STRBP: variants seen among roughly 807,000 people sequenced by gnomAD.
STRBP encodes the protein spermatid perinuclear RNA-binding protein.
In STRBP, 13 loss-of-function variants were observed where a neutral mutation model predicts 80.1. That is an observed-to-expected ratio of 0.16 (90% confidence interval 0.11 to 0.26). STRBP has a LOEUF of 0.26. Ranked by LOEUF, STRBP falls within the 10% of genes least tolerant of loss-of-function variation. The pLI is 1.00. For synonymous variants in STRBP, 284 were observed against 291.2 expected (o/e 0.98, Z 0.25); for missense variants, 485 against 815.2 (o/e 0.59, Z 4.93).
At chr9:123,239,018 G>C (rs2040634194) in intron 1 of STRBP, among the ~76,000 whole-genome samples, 2 of 152,038 alleles carry the variant, frequency 1.3e-5, no homozygotes, top group South Asian at 4.2e-4. Flanking sequence ...CTTAGCAGTG[G>C]CAGTAACATT....
intron 3 of STRBP, chr9:123,111,774 T>C: frequency 2.8e-6 from 1 of 358,514 alleles, no homozygotes; most frequent in Non-Finnish European, 5.7e-6. Flanking sequence ...CACTAGACAA[T>C]GCAAGAAGTG....
At chr9:123,266,478 T>C (rs1287323309) in intron 1 of STRBP, among the ~76,000 whole-genome samples, 1 of 151,682 alleles carries the variant, frequency 6.6e-6, no homozygotes, top group Admixed American at 6.6e-5. Flanking sequence ...TGGAATTTAA[T>C]CCTCTCCATT....
At chr9:123,165,528 G>C (rs1017100101) in intron 6 of STRBP, among the ~76,000 whole-genome samples, 4 of 152,180 alleles carry the variant, frequency 2.6e-5, no homozygotes, top group African/African-American at 9.7e-5. Flanking sequence ...ACTGAGGAGA[G>C]AGGTGTCTCT....
At position 123,124,998 on chromosome 9, in the gene STRBP, T is replaced by A; in HGVS notation, c.*599A>T. The A allele has an allele frequency of 2.0e-6, 2 of 985,696 alleles. No homozygotes were observed. The highest frequency in any genetic ancestry group is 2.4e-6 in the Non-Finnish European group (2 of 829,762). 61.1% of individuals were successfully genotyped at this position (985,696 alleles called of 1,614,324 possible). A position where few individuals can be genotyped will look rare whatever the true frequency, so the allele number is the denominator to read the frequency against. On this transcript the variant is annotated 3_prime_UTR_variant, in exon 19 of 19. Coordinates refer to ENST00000348403, the MANE Select transcript of STRBP (RefSeq NM_018387.5). Reference sequence around the variant, plus strand: ...TTATTAGTTTTCAATTCCTTGTAATTTGATACCAAAACATATCAAAAATAA... The same window carrying A: ...TTATTAGTTTTCAATTCCTTGTAATATGATACCAAAACATATCAAAAATAA...
intron 1 of STRBP, among the ~76,000 whole-genome samples, chr9:123,240,022 C>T (rs1362067299): frequency 6.6e-6 from 1 of 152,108 alleles, no homozygotes; most frequent in Admixed American, 6.5e-5. Flanking sequence ...AAAAAATAAG[C>T]CCATTTTCTT....
At chr9:123,219,944 T>C (rs961486212) in intron 2 of STRBP, among the ~76,000 whole-genome samples, 2 of 152,222 alleles carry the variant, frequency 1.3e-5, no homozygotes, top group Non-Finnish European at 2.9e-5. Flanking sequence ...CACAATTCTA[T>C]ATCTAGTAAA....
chr9:123,172,514 T>G (rs2038052897), intron 5 of STRBP, among the ~76,000 whole-genome samples: 1 of 152,084 alleles, frequency 6.6e-6, no homozygotes, highest in Non-Finnish European at 1.5e-5. Context: ...GAAAGGTAAA[T>G]AGATTCAACC....
intron 4 of STRBP, among the ~76,000 whole-genome samples, chr9:123,177,577 AT>A (rs1252606504): frequency 6.6e-6 from 1 of 152,182 alleles, no homozygotes; most frequent in Non-Finnish European, 1.5e-5. Flanking sequence ...CTCTAAAAAA[AT>A]AAAAATAAAA....
At chr9:123,147,363 T>G (rs1308521056) in intron 12 of STRBP, among the ~76,000 whole-genome samples, 4 of 152,138 alleles carry the variant, frequency 2.6e-5, no homozygotes, top group Non-Finnish European at 5.9e-5. Context: ...CTCAAAACTC[T>G]AATTCAAATC....
intron 2 of STRBP, among the ~76,000 whole-genome samples, chr9:123,221,578 C>T (rs2040069790): frequency 6.6e-6 from 1 of 152,212 alleles, no homozygotes; most frequent in Non-Finnish European, 1.5e-5. Flanking sequence ...GCTACATTTG[C>T]TGTATCTCTG....
Position 123,173,669 on chromosome 9 carries a change from G to A in STRBP, c.390+8C>T, listed in dbSNP as rs1336429354. On this transcript the variant is annotated splice_region_variant and intron_variant, in intron 5 of 18. Transcript: ENST00000348403. ...ATTCGCCTAGAGGTGCAGTTAAACT[G>A]TACTCACCTGAATCTGAATAGGAAG... 6.2e-7 allele frequency: 1 copy of A among 1,604,066 alleles called. No individual in the cohort carries two copies.
chr9:123,243,265 C>CAAAAAA lies in STRBP; in HGVS notation c.-301-6305_-301-6300dup, dbSNP rs1160280485. On this transcript the variant is annotated intron_variant, in intron 1 of 18. Coordinates refer to ENST00000348403, the MANE Select transcript of STRBP (RefSeq NM_018387.5). The stretch of plus-strand genomic sequence containing the variant: ...CTAGAGGAATTAGACATCAATAAGA[C>CAAAAAA]AAAAAAAAAAAAAAAAAAAGAAAAA... 1.3e-3 allele frequency among the ~76,000 whole-genome samples: 105 copies of CAAAAAA among 78,888 alleles called. 3 individuals are homozygous for CAAAAAA. The highest frequency in any genetic ancestry group is 1.7e-3 in the Non-Finnish European group (61 of 34,994). The allele number at this position is 78,888 out of a possible 152,430, so 51.8% of individuals were successfully genotyped here.
At position 123,136,755 on chromosome 9, in the gene STRBP, T is replaced by TA. The variant is rs2132322889; in HGVS notation, c.1498-241_1498-240insT. On this transcript the variant is annotated intron_variant, in intron 14 of 18. Transcript: ENST00000348403. The surrounding 1 kb of genome is among the most constrained non-coding windows in gnomAD (Gnocchi z 4.2). ...CCTTCGAAGCAGTATTCAAGACCAA[T>TA]CAATGCAACCTCACCACTGTGGGCC... Among the ~76,000 whole-genome samples the TA allele has an allele frequency of 6.6e-6, 1 of 152,288 alleles. No homozygotes were observed. Among genetic ancestry groups the TA allele is most frequent in the African/African-American group, 2.4e-5 (1 of 41,560 alleles).
intron 3 of STRBP, chr9:123,112,990 C>T (rs944584594): frequency 4.2e-5 from 7 of 167,164 alleles, no homozygotes; most frequent in Admixed American, 2.6e-4. Flanking sequence ...GGAAAGAAAA[C>T]GCCTGAAGAA....
chr9:123,255,497 G>C (rs929088004), intron 1 of STRBP, among the ~76,000 whole-genome samples: 1 of 152,230 alleles, frequency 6.6e-6, no homozygotes, highest in African/African-American at 2.4e-5. Flanking sequence ...AGCAGTAAAG[G>C]AGATTTCAAA....
At chr9:123,111,425 A>G in intron 3 of STRBP, 1 of 309,430 alleles carries the variant, frequency 3.2e-6, no homozygotes, top group Non-Finnish European at 6.7e-6. Context: ...GGAAAAGAAA[A>G]AGAGTCTGAC....
At chr9:123,193,281 C>T (rs1203443302) in intron 2 of STRBP, among the ~76,000 whole-genome samples, 1 of 152,148 alleles carries the variant, frequency 6.6e-6, no homozygotes, top group Non-Finnish European at 1.5e-5. Flanking sequence ...TTGAATTCAA[C>T]CCTAAATTTA....
At chr9:123,129,603 TCTCCCAGA>T (rs2036049257) in intron 17 of STRBP, among the ~76,000 whole-genome samples, 1 of 152,132 alleles carries the variant, frequency 6.6e-6, no homozygotes, top group Non-Finnish European at 1.5e-5. Context: ...CCCTACAAAG[TCTCCCAGA>T]CTTGCTGTTC....
chr9:123,153,978 G>C (rs2037171576), intron 11 of STRBP, among the ~76,000 whole-genome samples: 2 of 152,308 alleles, frequency 1.3e-5, no homozygotes, highest in South Asian at 4.1e-4. Flanking sequence ...GGAAGCTGAT[G>C]ACCTGGAAGT....
Sources: gnomAD v4.1 joint callset for allele counts (sites outside exome capture counted in the v4.1 genomes callset) on GRCh38, gnomAD v4.1.1 for gene constraint, Gnocchi (gnomAD v3.1) non-coding constraint, MANE v1.5 for transcripts, NCBI Gene and HGNC (gene_info 2026-07-23, HGNC 2026-07-21) for gene names.